DMD: variants seen among roughly 807,000 people sequenced by gnomAD.
The protein encoded by DMD is dystrophin.
Under a neutral mutation model 330.1 loss-of-function variants are expected in DMD, and 63 were observed. That is an observed-to-expected ratio of 0.19 (90% CI 0.16 to 0.24). The LOEUF is 0.24. DMD is among the 10% of genes least tolerant of loss of function. The pLI, the probability that DMD is intolerant of heterozygous loss-of-function variation, is 1.00. For synonymous variants in DMD, 1,223 were observed against 959.8 expected (o/e 1.27, Z -5.07); for missense variants, 3,344 against 2,684.1 (o/e 1.25, Z -5.43).
intron 1 of DMD, among the ~76,000 whole-genome samples, 180 bp downstream of exon 1, chrX:33,211,102 T>C (rs1294576881): frequency 9.0e-6 from 1 of 111,637 alleles, no homozygotes; most frequent in East Asian, 2.8e-4. Context: ...TGTTGAAAAG[T>C]TTTCCCAATG....
At chrX:33,158,309 G>A (rs2048604284) in intron 1 of DMD, among the ~76,000 whole-genome samples, 1 of 111,644 alleles carries the variant, frequency 9.0e-6, no homozygotes, top group African/African-American at 3.3e-5. Flanking sequence ...AAGAACGTGA[G>A]GGATTGAGAG....
chrX:33,161,011 C>T (rs952778049), intron 1 of DMD, among the ~76,000 whole-genome samples: 8 of 111,600 alleles, frequency 7.2e-5, no homozygotes, highest in African/African-American at 9.8e-5. Flanking sequence ...GTAACATATT[C>T]GATATTCCAG....
intron 48 of DMD, among the ~76,000 whole-genome samples, chrX:31,848,639 G>C (rs2093468634): frequency 9.0e-6 from 1 of 110,801 alleles, no homozygotes; most frequent in African/African-American, 3.3e-5. Flanking sequence ...AGTATTGATA[G>C]TTCACTACAA....
At chrX:32,877,575 T>A (rs1443213784) in intron 2 of DMD, among the ~76,000 whole-genome samples, 1 of 112,172 alleles carries the variant, frequency 8.9e-6, no homozygotes, top group African/African-American at 3.2e-5. Flanking sequence ...TTTATCCAGA[T>A]CCACTAAGAT....
chrX:33,107,587 T>C (rs746662804), intron 1 of DMD, among the ~76,000 whole-genome samples: 5 of 111,260 alleles, frequency 4.5e-5, no homozygotes, highest in Non-Finnish European at 7.5e-5. Context: ...GTAATGATTA[T>C]TTAAAACCCC....
intron 44 of DMD, among the ~76,000 whole-genome samples, chrX:32,016,063 T>A (rs2095757463): frequency 9.0e-6 from 1 of 111,620 alleles, no homozygotes; most frequent in Admixed American, 9.5e-5. Context: ...TCTCTGGCCA[T>A]GGAAGATATG....
At chrX:32,908,937 G>C (rs1361542423) in intron 2 of DMD, among the ~76,000 whole-genome samples, 1 of 111,073 alleles carries the variant, frequency 9.0e-6, no homozygotes, top group Non-Finnish European at 1.9e-5. Context: ...GTTGATATTT[G>C]CTACATAAGA....
At chrX:32,413,707 ATTCT>A (rs2098153828) in intron 29 of DMD, among the ~76,000 whole-genome samples, 3 of 86,612 alleles carry the variant, frequency 3.5e-5, no homozygotes, top group Non-Finnish European at 6.7e-5. Context: ...TAAAAGCTCT[ATTCT>A]TTTTTTTTTT....
intron 48 of DMD, among the ~76,000 whole-genome samples, chrX:31,845,379 C>G (rs1476091626): frequency 6.1e-5 from 2 of 32,753 alleles, no homozygotes; most frequent in African/African-American, 2.9e-4. Flanking sequence ...AATAAAGTCT[C>G]TCTCTCTCTC....
chrX:32,213,889 G>T (rs2097102514), intron 44 of DMD, among the ~76,000 whole-genome samples: 1 of 110,135 alleles, frequency 9.1e-6, no homozygotes, highest in Non-Finnish European at 1.9e-5. Flanking sequence ...CAGGAGAATT[G>T]CTTGAAGCCT....
At chrX:31,194,294 A>C (rs2042674081) in intron 67 of DMD, among the ~76,000 whole-genome samples, 1 of 112,356 alleles carries the variant, frequency 8.9e-6, no homozygotes, top group Non-Finnish European at 1.9e-5. Flanking sequence ...GCTGGAAGAA[A>C]ACAGTGGCTA....
chrX:32,784,345 C>G (rs2075168971), intron 7 of DMD, among the ~76,000 whole-genome samples: 1 of 111,783 alleles, frequency 8.9e-6, no homozygotes, highest in African/African-American at 3.2e-5. Context: ...CACTGAGTTT[C>G]ACTTGTAAAA....
intron 30 of DMD, among the ~76,000 whole-genome samples, chrX:32,402,322 T>C (rs2098090375): frequency 9.0e-6 from 1 of 111,657 alleles, no homozygotes; most frequent in Non-Finnish European, 1.9e-5. Context: ...TTCAATAGGG[T>C]TTTAAAAACA....
At chrX:32,936,710 G>A (rs1411525972) in intron 2 of DMD, among the ~76,000 whole-genome samples, 1 of 111,532 alleles carries the variant, frequency 9.0e-6, no homozygotes, top group Admixed American at 9.6e-5. Context: ...AGGAGTCTGG[G>A]GATACTTCTA....
chrX:31,881,599 A>AT (rs1303966935), intron 47 of DMD, among the ~76,000 whole-genome samples: 1 of 111,121 alleles, frequency 9.0e-6, no homozygotes, highest in African/African-American at 3.3e-5. Context: ...CAGCTGTACT[A>AT]TTTTTTATCA....
Position 32,904,869 on chromosome X carries a change from C to T in DMD, c.94-55049G>A, listed in dbSNP as rs145783622. 3.1e-4 allele frequency among the ~76,000 whole-genome samples: 35 copies of T among 112,535 alleles called. No homozygotes were observed. The East Asian group carries it at 9.3e-3, about 30-fold the overall frequency. On this transcript the variant is annotated intron_variant, in intron 2 of 78. Coordinates refer to ENST00000357033, the MANE Select transcript of DMD (RefSeq NM_004006.3). ...GGGATTACAGGCATGAGCCACTGCA[C>T]TCAGCCCATAATGTTTTAATGGTGT...
intron 43 of DMD, among the ~76,000 whole-genome samples, chrX:32,283,387 A>G (rs1197668626): frequency 8.9e-6 from 1 of 111,875 alleles, no homozygotes; most frequent in Non-Finnish European, 1.9e-5. Flanking sequence ...CCTTCTTACT[A>G]GCTCAAATTT....
At chrX:33,058,988 G>A (rs193151344) in intron 1 of DMD, among the ~76,000 whole-genome samples, 13 of 111,571 alleles carry the variant, frequency 1.2e-4, no homozygotes, top group Non-Finnish European at 1.3e-4. Context: ...TCAGATATAC[G>A]TCTTGTGAAT....
intron 52 of DMD, among the ~76,000 whole-genome samples, chrX:31,690,728 T>G (rs1053533300): frequency 8.9e-6 from 1 of 111,877 alleles, no homozygotes; most frequent in East Asian, 2.8e-4. Flanking sequence ...CAAATGTCCA[T>G]CAATGATAGA....
Sources: gnomAD v4.1 joint callset for allele counts (sites outside exome capture counted in the v4.1 genomes callset) on GRCh38, gnomAD v4.1.1 for gene constraint, MANE v1.5 for transcripts, NCBI Gene and HGNC (gene_info 2026-07-23, HGNC 2026-07-21) for gene names.